VWA8: variants seen among roughly 807,000 people sequenced by gnomAD.
The protein encoded by VWA8 is von Willebrand factor A domain-containing protein 8.
VWA8 carries 221 observed loss-of-function variants against 241.5 expected under a neutral mutation model. The ratio of observed to expected loss-of-function variants is 0.91; its 90% confidence interval spans 0.82 to 1.02. The LOEUF is 1.02. VWA8 is among the 50% of genes least tolerant of loss of function. The probability of loss-of-function intolerance (pLI) is 0.00; values close to 1 mark genes in which losing one functional copy is unlikely to be tolerated. For synonymous variants in VWA8, 852 were observed against 827.1 expected (o/e 1.03, Z -0.52); for missense variants, 2,322 against 2,328.7 (o/e 1.00, Z 0.06).
At chr13:41,798,197 TC>T (rs1231373028) in intron 17 of VWA8, among the ~76,000 whole-genome samples, 1 of 152,220 alleles carries the variant, frequency 6.6e-6, no homozygotes, top group Non-Finnish European at 1.5e-5. Flanking sequence ...GTTAAATACT[TC>T]CCTATATTGG....
At chr13:41,676,242 T>C (rs1371122583) in intron 35 of VWA8, among the ~76,000 whole-genome samples, 1 of 152,140 alleles carries the variant, frequency 6.6e-6, no homozygotes, top group East Asian at 1.9e-4. Flanking sequence ...ATGGAATACC[T>C]AGAAACCTGG....
chr13:41,689,255 A>C, intron 34 of VWA8, 99 bp downstream of exon 34: 1 of 1,284,564 alleles, frequency 7.8e-7, no homozygotes. Flanking sequence ...GTTTACCAGG[A>C]AATTATGTTT....
At chr13:41,817,966 AT>A (rs947591878) in intron 15 of VWA8, among the ~76,000 whole-genome samples, 76 of 145,992 alleles carry the variant, frequency 5.2e-4, no homozygotes, top group Middle Eastern at 3.6e-3. Flanking sequence ...GAGAAGCGGA[AT>A]TTTTTTTTTT....
intron 39 of VWA8, among the ~76,000 whole-genome samples, chr13:41,605,578 G>T (rs1006528307): frequency 1.3e-5 from 2 of 152,098 alleles, no homozygotes; most frequent in Non-Finnish European, 2.9e-5. Flanking sequence ...TGAACAGTGA[G>T]TTGGAAAAAA....
chr13:41,649,908 T>C (rs2044858413), intron 37 of VWA8, among the ~76,000 whole-genome samples: 1 of 152,168 alleles, frequency 6.6e-6, no homozygotes, highest in Non-Finnish European at 1.5e-5. Flanking sequence ...GCAACACGTG[T>C]TGTGCCTTTA....
Position 41,912,032 on chromosome 13 carries a change from G to T in VWA8, c.372+6C>A, listed in dbSNP as rs377211141. 8.6e-5 allele frequency: 135 copies of T among 1,563,684 alleles called. 1 individual carries two copies. Among genetic ancestry groups the T allele is most frequent in the Non-Finnish European group, 1.2e-4 (133 of 1,154,678 alleles). ...CCTTAGAAATTGACAAGAATTAACT[G>T]CTCACCAAGTACTGCATAGCAATAG... On this transcript the variant is annotated splice_donor_region_variant and intron_variant, in intron 3 of 44. Transcript: ENST00000379310.
At chr13:41,885,494 A>G (rs1166189740) in intron 8 of VWA8, among the ~76,000 whole-genome samples, 2 of 152,194 alleles carry the variant, frequency 1.3e-5, no homozygotes, top group African/African-American at 4.8e-5. Context: ...CCTTGCACAC[A>G]TGCTGGGAGA....
chr13:41,699,106 G>A lies in VWA8; in HGVS notation c.3529C>T (p.Pro1177Ser). 6.2e-7 allele frequency: 1 copy of A among 1,613,944 alleles called. No individual in the cohort carries two copies. Among genetic ancestry groups the A allele is most frequent in the Non-Finnish European group, 8.5e-7 (1 of 1,179,906 alleles). The stretch of plus-strand genomic sequence containing the variant: ...TGGAGAACCACTTGACCTTTGAGAG[G>A]ACTTCCCAGCGGTGCCACTGTCACA... ...PFVTVAPLGS[P>S]LKGQVVLHEQ... The change falls in exon 29 of 45, where the codon CCT becomes TCT. Residue 1177 changes from proline to serine, a missense_variant. Physicochemically the swap from Pro to Ser is moderately conservative, Grantham distance 74 (BLOSUM62 -1). Coordinates refer to ENST00000379310, the MANE Select transcript of VWA8 (RefSeq NM_015058.2).
intron 17 of VWA8, among the ~76,000 whole-genome samples, chr13:41,793,501 A>G (rs1024501098): frequency 1.3e-5 from 2 of 152,282 alleles, no homozygotes; most frequent in Admixed American, 1.3e-4. Flanking sequence ...TTTTGCCCAT[A>G]GTAAAATTGT....
intron 4 of VWA8, among the ~76,000 whole-genome samples, chr13:41,902,324 T>C (rs1593857737): frequency 6.6e-6 from 1 of 152,198 alleles, no homozygotes. Flanking sequence ...ACCATTTTTG[T>C]AAAAATTATA....
At chr13:41,904,158 A>C (rs1177337580) in intron 4 of VWA8, among the ~76,000 whole-genome samples, 1 of 152,216 alleles carries the variant, frequency 6.6e-6, no homozygotes, top group Non-Finnish European at 1.5e-5. Flanking sequence ...AGAAAGTTTC[A>C]TCTAAATAAT....
chr13:41,784,749 TATATATATATATAC>T (rs1566456446), intron 18 of VWA8, among the ~76,000 whole-genome samples: 27 of 108,112 alleles, frequency 2.5e-4, no homozygotes, highest in East Asian at 1.1e-3. Context: ...TATATATATA[TATATATATATATAC>T]ACACACACAC....
At chr13:41,943,413 C>T (rs1010346368) in intron 2 of VWA8, among the ~76,000 whole-genome samples, 5 of 151,858 alleles carry the variant, frequency 3.3e-5, no homozygotes, top group African/African-American at 1.2e-4. Context: ...CCTTTTAAAA[C>T]AAAGCAGAAT....
At chr13:41,677,227 C>T (rs560357704) in intron 35 of VWA8, among the ~76,000 whole-genome samples, 35 of 152,086 alleles carry the variant, frequency 2.3e-4, no homozygotes, top group African/African-American at 8.2e-4. Flanking sequence ...GGTCCAGAGC[C>T]CTCAACTAAT....
At chr13:41,723,246 G>C (rs770130179) in intron 24 of VWA8, among the ~76,000 whole-genome samples, 4 of 152,138 alleles carry the variant, frequency 2.6e-5, no homozygotes, top group Non-Finnish European at 5.9e-5. Context: ...CTCACTATAA[G>C]TGCAGGTATC....
rs1410930340 is a variant in VWA8, at chr13:41,758,515, A to AAT, written c.2426+2611_2426+2612dup. 7.6e-5 allele frequency among the ~76,000 whole-genome samples: 11 copies of AAT among 144,936 alleles called. No individual in the cohort carries two copies. In the South Asian group the frequency reaches 8.6e-4, roughly 11 times the overall value. On this transcript the variant is annotated intron_variant, in intron 21 of 44. Transcript: ENST00000379310. ...TATTCCATATATATGGAATATATGG[A>AAT]ATATATATATATGGAATACAATTGA...
chr13:41,814,331 G>T (rs1555338846), intron 16 of VWA8, among the ~76,000 whole-genome samples: 2 of 152,172 alleles, frequency 1.3e-5, no homozygotes, highest in Non-Finnish European at 2.9e-5. Context: ...AAGCAGATTG[G>T]AGATATTAGT....
At chr13:41,806,876 C>CAAA (rs78099965) in intron 17 of VWA8, among the ~76,000 whole-genome samples, 1 of 93,618 alleles carries the variant, frequency 1.1e-5, no homozygotes, top group Non-Finnish European at 2.3e-5. Flanking sequence ...GACTCCATCT[C>CAAA]AAAAAAAAAA....
Position 41,570,470 on chromosome 13 carries a change from G to C in VWA8, c.5607C>G (p.Thr1869=), listed in dbSNP as rs1176032863. 6.2e-7 allele frequency: 1 copy of C among 1,613,326 alleles called. No homozygotes were observed. Among genetic ancestry groups the C allele is most frequent in the Admixed American group, 1.7e-5 (1 of 60,004 alleles). ...CTGTATGCTCAGATGACACTTACCT[G>C]GTTGCTTGATCACCTAAAGAGCCAA... The part of the protein sequence containing the change: ...IFIGSLGDQA[T]RLQRTLPAGR... The change falls in exon 44 of 45, where the codon ACC becomes ACG. Residue 1869 remains threonine, a splice_region_variant and synonymous_variant. Coordinates refer to ENST00000379310, the MANE Select transcript of VWA8 (RefSeq NM_015058.2).
Sources: gnomAD v4.1 joint callset for allele counts (sites outside exome capture counted in the v4.1 genomes callset) on GRCh38, gnomAD v4.1.1 for gene constraint, MANE v1.5 for transcripts, NCBI Gene and HGNC (gene_info 2026-07-23, HGNC 2026-07-21) for gene names.